The following KLF12 variants were observed in gnomAD, a reference collection of about 807,000 sequenced individuals.
The protein encoded by KLF12 is KLF transcription factor 12.
In KLF12, 9 loss-of-function variants were observed where a neutral mutation model predicts 37.8. That is an observed-to-expected ratio of 0.24 (90% CI 0.14 to 0.42). KLF12 has a LOEUF of 0.42. KLF12 is among the 10% of genes least tolerant of loss of function. The pLI is 1.00. For missense variants in KLF12, 411 were observed against 516.0 expected (o/e 0.80, Z 1.97); for synonymous variants, 208 against 202.1 (o/e 1.03, Z -0.25).
chr13:74,271,763 G>A, the KLF12 span, among the ~76,000 whole-genome samples: 1 of 152,124 alleles, frequency 6.6e-6, no homozygotes, highest in South Asian at 2.1e-4. Flanking sequence ...GGCAAGTCAG[G>A]TATGGTATAC....
intron 4 of KLF12, among the ~76,000 whole-genome samples, chr13:73,826,373 A>G (rs1883844826): frequency 6.6e-6 from 1 of 152,184 alleles, no homozygotes; most frequent in African/African-American, 2.4e-5. Flanking sequence ...TCTTCATATA[A>G]AAGAAAATAT....
the KLF12 span, among the ~76,000 whole-genome samples, chr13:74,172,253 G>GC: frequency 6.6e-6 from 1 of 151,642 alleles, no homozygotes; most frequent in Non-Finnish European, 1.5e-5. Flanking sequence ...GGTATTTTCT[G>GC]TAAAAAGGCA....
the KLF12 span, among the ~76,000 whole-genome samples, chr13:74,186,862 CAT>C: frequency 6.6e-6 from 1 of 152,148 alleles, no homozygotes; most frequent in African/African-American, 2.4e-5. Flanking sequence ...GGTGAAAAAA[CAT>C]TTTCTCAAGG....
At chr13:73,711,000 C>T (rs960940270) in intron 7 of KLF12, among the ~76,000 whole-genome samples, 5 of 152,154 alleles carry the variant, frequency 3.3e-5, no homozygotes, top group Non-Finnish European at 7.3e-5. Flanking sequence ...ACAGCCTTAT[C>T]GCTGATTTGG....
chr13:74,194,028 G>A, the KLF12 span, among the ~76,000 whole-genome samples: 140 of 152,300 alleles, frequency 9.2e-4, 1 homozygote, highest in African/African-American at 3.3e-3. Context: ...GTAAGGGAAA[G>A]ATTTCATTTT....
chr13:74,039,585 T>C (rs1893348397), intron 1 of KLF12, among the ~76,000 whole-genome samples: 1 of 152,026 alleles, frequency 6.6e-6, no homozygotes, highest in Admixed American at 6.6e-5. Flanking sequence ...AAGAAAAACA[T>C]AATTCTGTAA....
the KLF12 span, among the ~76,000 whole-genome samples, chr13:74,285,564 T>C: frequency 4.6e-5 from 7 of 152,192 alleles, no homozygotes; most frequent in Non-Finnish European, 7.4e-5. Flanking sequence ...GGAGAAAGAA[T>C]AGAAAACATA....
At chr13:73,865,204 T>C (rs1234039658) in intron 3 of KLF12, among the ~76,000 whole-genome samples, 1 of 151,958 alleles carries the variant, frequency 6.6e-6, no homozygotes, top group African/African-American at 2.4e-5. Context: ...TAGTGAGCTG[T>C]ATACATTTCT....
At chr13:74,137,355 A>C (rs898216865), upstream of KLF12, among the ~76,000 whole-genome samples, 2 of 152,242 alleles carry the variant, frequency 1.3e-5, no homozygotes, top group Non-Finnish European at 2.9e-5. Context: ...ATGTGGCTTC[A>C]ATCCTGTTTA....
At chr13:73,808,116 T>G (rs1401375199) in intron 5 of KLF12, among the ~76,000 whole-genome samples, 1 of 152,132 alleles carries the variant, frequency 6.6e-6, no homozygotes, top group Admixed American at 6.6e-5. Flanking sequence ...CCTCTCTTTC[T>G]CCAAACACTT....
At chr13:74,158,769 TG>T in the KLF12 span, among the ~76,000 whole-genome samples, 1 of 151,902 alleles carries the variant, frequency 6.6e-6, no homozygotes, top group Non-Finnish European at 1.5e-5. Flanking sequence ...ATTAATAGGG[TG>T]GGGTAAACTT....
intron 1 of KLF12, among the ~76,000 whole-genome samples, chr13:74,078,245 T>C (rs769964469): frequency 2.6e-5 from 4 of 152,198 alleles, no homozygotes; most frequent in Non-Finnish European, 5.9e-5. Context: ...TGCATAGAAG[T>C]ATAACTTTTT....
At chr13:74,269,543 G>A in the KLF12 span, among the ~76,000 whole-genome samples, 17 of 152,206 alleles carry the variant, frequency 1.1e-4, no homozygotes, top group South Asian at 3.5e-3. Flanking sequence ...TCTCCTTGTT[G>A]CAAGAGTAAA....
the KLF12 span, among the ~76,000 whole-genome samples, chr13:74,209,119 T>C: frequency 1.3e-5 from 2 of 151,886 alleles, no homozygotes; most frequent in East Asian, 1.9e-4. Flanking sequence ...TCTTATCACA[T>C]AGACAAGCAT....
At chr13:73,850,399 C>T (rs749288055) in intron 3 of KLF12, among the ~76,000 whole-genome samples, 1 of 152,100 alleles carries the variant, frequency 6.6e-6, no homozygotes, top group Non-Finnish European at 1.5e-5. Flanking sequence ...GAATCTAAAA[C>T]CTCCTACTTG....
chr13:73,868,627 A>G (rs1314052636), intron 3 of KLF12, among the ~76,000 whole-genome samples: 2 of 151,992 alleles, frequency 1.3e-5, no homozygotes, highest in Non-Finnish European at 2.9e-5. Context: ...TCCTGACCTC[A>G]TGATTTGCCC....
rs115127682 is a variant in KLF12, at chr13:73,953,655, T to C, written c.34-9585A>G. ...TGTGGGAAACAAAGGAAATAATTATTGACCTAAATTTCCACCTTTTCTTGT... is the reference window on the plus strand; with the variant it reads ...TGTGGGAAACAAAGGAAATAATTATCGACCTAAATTTCCACCTTTTCTTGT... On this transcript the variant is annotated intron_variant, in intron 2 of 7. Transcript: ENST00000377669. 3.4e-3 allele frequency among the ~76,000 whole-genome samples: 518 copies of C among 152,342 alleles called. 8 individuals carry two copies. The highest frequency in any genetic ancestry group is 0.012 in the African/African-American group (491 of 41,584).
intron 3 of KLF12, among the ~76,000 whole-genome samples, chr13:73,920,924 T>C (rs1218097849): frequency 1.3e-5 from 2 of 152,158 alleles, no homozygotes; most frequent in Non-Finnish European, 2.9e-5. Flanking sequence ...GGGGCTTTCT[T>C]TGAGGTTCCC....
chr13:74,059,995 A>G (rs1207666711), intron 1 of KLF12, among the ~76,000 whole-genome samples: 1 of 152,172 alleles, frequency 6.6e-6, no homozygotes, highest in Non-Finnish European at 1.5e-5. Flanking sequence ...CCATTTTCCT[A>G]GCACCATTTG....
Sources: gnomAD v4.1 joint callset for allele counts (sites outside exome capture counted in the v4.1 genomes callset) on GRCh38, gnomAD v4.1.1 for gene constraint, MANE v1.5 for transcripts, NCBI Gene and HGNC (gene_info 2026-07-23, HGNC 2026-07-21) for gene names.